The following COL6A6 variants were observed in gnomAD, a reference collection of about 807,000 sequenced individuals.
COL6A6 encodes collagen type VI alpha 6 chain.
A neutral mutation model predicts 208.6 loss-of-function variants in COL6A6; 183 were observed. The observed-to-expected ratio is 0.88, with a 90% CI of 0.78 to 0.99. The LOEUF is 0.99. Ranked by LOEUF, COL6A6 falls within the 50% of genes least tolerant of loss-of-function variation. COL6A6 has a pLI of 0.00. For missense variants in COL6A6, 2,816 were observed against 2,815.2 expected (o/e 1.00, Z -0.01); for synonymous variants, 973 against 1,011.8 (o/e 0.96, Z 0.73).
At chr3:130,518,592 C>T (rs1028548047) in intron 1 of COL6A6, among the ~76,000 whole-genome samples, 1 of 152,168 alleles carries the variant, frequency 6.6e-6, no homozygotes, top group Non-Finnish European at 1.5e-5. Flanking sequence ...TCGCAACCTC[C>T]GCCTCCCGGG....
intron 23 of COL6A6, among the ~76,000 whole-genome samples, chr3:130,618,097 G>T (rs2064589615): frequency 6.6e-6 from 1 of 152,102 alleles, no homozygotes; most frequent in Admixed American, 6.6e-5. Context: ...ATCAAGTTTG[G>T]AGAGCCACAT....
At chr3:130,620,012 G>A (rs1254459826) in intron 23 of COL6A6, among the ~76,000 whole-genome samples, 1 of 152,142 alleles carries the variant, frequency 6.6e-6, no homozygotes, top group Non-Finnish European at 1.5e-5. Flanking sequence ...ATAGCTAATT[G>A]CAGCCTTGAA....
intron 28 of COL6A6, 61 bp from the exon 29 acceptor site, chr3:130,641,591 A>G (rs2065309026): frequency 5.5e-6 from 4 of 733,228 alleles, no homozygotes; most frequent in Middle Eastern, 4.2e-4. Context: ...TTAAAATTTG[A>G]ATTTACACAC....
At chr3:130,587,534 A>C (rs934615847) in intron 11 of COL6A6, among the ~76,000 whole-genome samples, 1 of 152,246 alleles carries the variant, frequency 6.6e-6, no homozygotes, top group African/African-American at 2.4e-5. Context: ...CCTGTATAAG[A>C]TGTATCTCAA....
Position 130,627,489 on chromosome 3 carries a change from A to G in COL6A6, c.4992+120A>G, listed in dbSNP as rs2064926300. ...AAGGCAATCTTGGACAGTTAGAAAT[A>G]TATTTCAGTAATTTATTTGCTGCTA... On this transcript the variant is annotated intron_variant, in intron 26 of 36. Coordinates refer to ENST00000358511, the MANE Select transcript of COL6A6 (RefSeq NM_001102608.3). 8.8e-6 allele frequency: 7 copies of G among 792,606 alleles called. No homozygotes were observed. The Admixed American group carries it at 1.5e-4, about 17-fold the overall frequency. The allele number at this position is 792,606 out of a possible 1,614,324, so 49.1% of individuals were successfully genotyped here.
rs759038270 is a variant in COL6A6 at position 130,571,064 on chromosome 3, G to GT, written c.2649dup (p.Gly884TrpfsTer7). 1 of 1,613,872 alleles carries GT rather than the reference G, an allele frequency of 6.2e-7. No individual in the cohort carries two copies. Among genetic ancestry groups the GT allele is most frequent in the Non-Finnish European group, 8.5e-7 (1 of 1,179,818 alleles). On this transcript the variant is annotated frameshift_variant, in exon 7 of 37. Transcript: ENST00000358511. LOFTEE classifies it high-confidence loss of function. ...GTGCTCCAGAATGACCAAGCCATGG[G>GT]TGGCAGTACTTATACTGCTGAGGCA...
chr3:130,665,053 CTT>C lies in COL6A6; in HGVS notation c.6554_6555del (p.Leu2185GlnfsTer21). On this transcript the variant is annotated frameshift_variant, in exon 36 of 37. Coordinates refer to ENST00000358511, the MANE Select transcript of COL6A6 (RefSeq NM_001102608.3). LOFTEE classifies it low-confidence loss of function (END_TRUNC). ...PINLKIKCNR[L>X]NSIDPKQPPR... ...AAACTTAAAAATAAAGTGCAACAGA[CTT>C]AACTCTATAGATCCAAAGCAGCCCC... 6.2e-7 allele frequency: 1 copy of C among 1,610,662 alleles called. No homozygotes were observed. The highest frequency in any genetic ancestry group is 1.1e-5 in the South Asian group (1 of 90,108).
At chr3:130,528,921 C>G (rs4330236) in intron 1 of COL6A6, among the ~76,000 whole-genome samples, 131,037 of 152,160 alleles carry the variant, frequency 0.86, 56,912 homozygotes, top group African/African-American at 0.9. Flanking sequence ...GCATAACCCT[C>G]TCTCTCCTAA....
intron 2 of COL6A6, among the ~76,000 whole-genome samples, chr3:130,561,554 T>C (rs1451041379): frequency 2.0e-5 from 3 of 152,052 alleles, no homozygotes; most frequent in Non-Finnish European, 4.4e-5. Context: ...CTAATTTGAT[T>C]AGAACTTACC....
At chr3:130,591,209 A>C in intron 13 of COL6A6, 115 bp downstream of exon 13, 1 of 792,376 alleles carries the variant, frequency 1.3e-6, no homozygotes, top group Non-Finnish European at 2.1e-6. Flanking sequence ...ATTCGTGTAC[A>C]GAATCTCAGA....
At chr3:130,625,228 C>T (rs2064849412) in intron 24 of COL6A6, among the ~76,000 whole-genome samples, 1 of 152,180 alleles carries the variant, frequency 6.6e-6, no homozygotes, top group Non-Finnish European at 1.5e-5. Context: ...TATATAGAAT[C>T]CTATTCTTCG....
intron 1 of COL6A6, among the ~76,000 whole-genome samples, chr3:130,551,032 AG>A (rs1236504509): frequency 6.6e-6 from 1 of 152,200 alleles, no homozygotes. Flanking sequence ...ATGGTGGATT[AG>A]CTTTTTCATG....
intron 29 of COL6A6, among the ~76,000 whole-genome samples, chr3:130,642,241 ATATGTG>A (rs1344367352): frequency 1.7e-4 from 16 of 96,906 alleles, no homozygotes; most frequent in African/African-American, 7.3e-4. Context: ...CTGACAGATT[ATATGTG>A]TGTGTGTGTG....
chr3:130,590,200 A>G (rs1311041505), intron 12 of COL6A6, among the ~76,000 whole-genome samples: 3 of 136,224 alleles, frequency 2.2e-5, no homozygotes, highest in Non-Finnish European at 3.1e-5. Context: ...ATTATGATTG[A>G]CACCCCCTTG....
intron 1 of COL6A6, among the ~76,000 whole-genome samples, 123 bp downstream of exon 1, chr3:130,517,520 G>A (rs779044282): frequency 3.4e-4 from 52 of 152,256 alleles, no homozygotes; most frequent in Non-Finnish European, 4.3e-4. Flanking sequence ...GCGGTGGAGG[G>A]AAATAAGTGA....
rs2066341684 is a variant in COL6A6 at position 130,675,650 on chromosome 3, C to CTAATGGAGATATAA, written c.*255_*268dup. ...GAATGAAAGAAGTGTTTTGAAAAGT[C>CTAATGGAGATATAA]TAATGGAGATATAATTTGAAGGTAA... On this transcript the variant is annotated 3_prime_UTR_variant, in exon 37 of 37. Transcript: ENST00000358511. 4 of 351,492 alleles carry CTAATGGAGATATAA rather than the reference C, an allele frequency of 1.1e-5. No individual in the cohort carries two copies. In the Admixed American group the frequency reaches 1.7e-4, roughly 15 times the overall value. 21.8% of individuals were successfully genotyped at this position (351,492 alleles called of 1,614,324 possible).
At position 130,581,749 on chromosome 3, in the gene COL6A6, G is replaced by C. The variant is rs2063427652; in HGVS notation, c.3736G>C (p.Ala1246Pro). 1 of 1,613,824 alleles carries C rather than the reference G, an allele frequency of 6.2e-7. No individual in the cohort carries two copies. The highest frequency in any genetic ancestry group is 8.5e-7 in the Non-Finnish European group (1 of 1,179,870). The change falls in exon 9 of 37, where the codon GCC (alanine) becomes CCC (proline). Residue 1246 changes from alanine (A) to proline (P), a missense_variant. Ala to Pro is a conservative substitution (Grantham distance 27). Coordinates refer to ENST00000358511, the MANE Select transcript of COL6A6 (RefSeq NM_001102608.3). ...CAGTGTGGCTTTTCAAGTGACCAATGCCATGGAAAAATATTCTCCCAAGTT... is the reference window on the plus strand; with the variant it reads ...CAGTGTGGCTTTTCAAGTGACCAATCCCATGGAAAAATATTCTCCCAAGTT... ...QVSVAFQVTN[A>P]MEKYSPKFEI... is the part of the protein sequence containing the mutation.
At position 130,574,019 on chromosome 3, in the gene COL6A6, A is replaced by G. The variant is rs1238063479; in HGVS notation, c.3041A>G (p.Asn1014Ser). The G allele has an allele frequency of 6.2e-7, 1 of 1,613,858 alleles. No individual in the cohort carries two copies. The highest frequency in any genetic ancestry group is 8.5e-7 in the Non-Finnish European group (1 of 1,179,812). Reference sequence around the variant, plus strand: ...GATGGTTCAACTAGCATTCAGCCAAATGACTTCAAGAAAATGAAGGAATTT... The same window carrying G: ...GATGGTTCAACTAGCATTCAGCCAAGTGACTTCAAGAAAATGAAGGAATTT... ...LMDGSTSIQP[N>S]DFKKMKEFLA... is the part of the protein sequence containing the mutation. Residue 1014 changes from asparagine (N) to serine (S), a missense_variant, in exon 8 of 37, where the codon AAT becomes AGT. By Grantham distance (46) the Asn-to-Ser change is conservative (BLOSUM62 1). Coordinates refer to ENST00000358511, the MANE Select transcript of COL6A6 (RefSeq NM_001102608.3).
rs375294669 is a variant in COL6A6, at chr3:130,649,053, G to A, written c.5240-16G>A. On this transcript the variant is annotated splice_polypyrimidine_tract_variant and intron_variant, in intron 32 of 36. Coordinates refer to ENST00000358511, the MANE Select transcript of COL6A6 (RefSeq NM_001102608.3). ...TTAAATAAGGATGCTATGTGTTAAG[G>A]GATATGGTCTTTTAGGAAAACCGGA... 1,156 of 1,534,664 alleles carry A rather than the reference G, an allele frequency of 7.5e-4. No homozygotes were observed. The highest frequency in any genetic ancestry group is 8.5e-4 in the Non-Finnish European group (967 of 1,138,982).
Sources: gnomAD v4.1 joint callset for allele counts (sites outside exome capture counted in the v4.1 genomes callset) on GRCh38, gnomAD v4.1.1 for gene constraint, MANE v1.5 for transcripts, NCBI Gene and HGNC (gene_info 2026-07-23, HGNC 2026-07-21) for gene names.